PDZD8: variants seen among roughly 807,000 people sequenced by gnomAD.
PDZD8 encodes PDZ domain-containing protein 8.
Under a neutral mutation model 85.8 loss-of-function variants are expected in PDZD8, and 14 were observed. That is an observed-to-expected ratio of 0.16 (90% CI 0.11 to 0.26). The LOEUF (loss-of-function observed/expected upper bound fraction) is 0.26, where lower values mean the gene tolerates loss of function less well. PDZD8 is among the 10% of genes least tolerant of loss of function. The pLI, the probability that PDZD8 is intolerant of heterozygous loss-of-function variation, is 1.00. For missense variants in PDZD8, 1,197 were observed against 1,424.3 expected, an observed-to-expected ratio of 0.84 and a Z score of 2.57; for synonymous variants, 592 against 568.6, an observed-to-expected ratio of 1.04 and a Z score of -0.59.
At chr10:117,366,334 TGTTTTCTGCAGAA>T (rs1845089234) in intron 1 of PDZD8, among the ~76,000 whole-genome samples, 1 of 152,170 alleles carries the variant, frequency 6.6e-6, no homozygotes, top group Admixed American at 6.5e-5. Context: ...GCAGAAAATT[TGTTTTCTGCAGAA>T]ATTTTCTGCA....
intron 2 of PDZD8, among the ~76,000 whole-genome samples, chr10:117,332,289 G>GA (rs1487342814): frequency 2.6e-5 from 4 of 151,038 alleles, no homozygotes; most frequent in African/African-American, 4.9e-5. Context: ...TTCCCTCCAA[G>GA]AAAAAAACAA....
chr10:117,341,581 T>C (rs1187841765), intron 1 of PDZD8, among the ~76,000 whole-genome samples: 2 of 152,234 alleles, frequency 1.3e-5, no homozygotes, highest in Non-Finnish European at 1.5e-5. Flanking sequence ...ATCTGCATTA[T>C]ACACATTCTC....
At chr10:117,335,947 C>A (rs1464631458) in intron 2 of PDZD8, among the ~76,000 whole-genome samples, 1 of 152,112 alleles carries the variant, frequency 6.6e-6, no homozygotes, top group Non-Finnish European at 1.5e-5. Context: ...GGAACAATTC[C>A]ATAAGGATGA....
At chr10:117,324,460 T>G (rs945047214) in intron 2 of PDZD8, among the ~76,000 whole-genome samples, 2 of 152,174 alleles carry the variant, frequency 1.3e-5, no homozygotes, top group African/African-American at 4.8e-5. Context: ...TAATGAACTC[T>G]CATCAGATTT....
At chr10:117,295,471 T>G (rs1489120704) in intron 3 of PDZD8, among the ~76,000 whole-genome samples, 6 of 148,190 alleles carry the variant, frequency 4.0e-5, no homozygotes, top group African/African-American at 1.2e-4. Flanking sequence ...TTATATACAT[T>G]AAATTCATAA....
chr10:117,373,539 C>T (rs1360916618), intron 1 of PDZD8, among the ~76,000 whole-genome samples: 1 of 141,182 alleles, frequency 7.1e-6, no homozygotes, highest in Non-Finnish European at 1.5e-5. Context: ...AGGCGGATTA[C>T]TTGAGGTCAG....
At chr10:117,315,966 C>T (rs563881005) in intron 3 of PDZD8, among the ~76,000 whole-genome samples, 2 of 152,100 alleles carry the variant, frequency 1.3e-5, no homozygotes, top group Non-Finnish European at 2.9e-5. Flanking sequence ...GATCACCAAA[C>T]CGGAATACTG....
In PDZD8 at chr10:117,375,042, G is replaced by T; in HGVS notation, c.186C>A (p.Gly62=). Residue 62 remains glycine, a synonymous_variant, in exon 1 of 5, where the codon GGC becomes GGA. Coordinates refer to ENST00000334464, the MANE Select transcript of PDZD8 (RefSeq NM_173791.5). ...PGLLLREYLY[G]GGRDEEPSGA... Reference sequence around the variant, plus strand: ...CGGAGGGCTCCTCATCCCGGCCGCCGCCATAAAGGTACTCCCTTAGGAGCA... The same window carrying T: ...CGGAGGGCTCCTCATCCCGGCCGCCTCCATAAAGGTACTCCCTTAGGAGCA... 1 of 1,595,330 alleles carries T rather than the reference G, an allele frequency of 6.3e-7. No individual in the cohort carries two copies.
intron 3 of PDZD8, among the ~76,000 whole-genome samples, chr10:117,292,131 GAAGTTGCTCTTT>G (rs1411699707): frequency 2.0e-5 from 3 of 152,108 alleles, no homozygotes; most frequent in African/African-American, 7.2e-5. Flanking sequence ...ACCCTCACTG[GAAGTTGCTCTTT>G]AATTTGGGTG....
In PDZD8 at chr10:117,284,928, G is replaced by A. The variant is rs1844634102; in HGVS notation, c.1805C>T (p.Pro602Leu). 2 of 1,614,062 alleles carry A rather than the reference G, an allele frequency of 1.2e-6. No homozygotes were observed. The highest frequency in any genetic ancestry group is 1.1e-5 in the South Asian group (1 of 91,088). Residue 602 changes from proline to leucine, a missense_variant, in exon 5 of 5, where the codon CCT becomes CTT. Physicochemically the swap from Pro to Leu is moderately conservative, Grantham distance 98. Transcript: ENST00000334464. ...PPRPQAKVPLPSADAPNQAEP... is the reference protein window; with the variant it reads ...PPRPQAKVPLLSADAPNQAEP... ...TGCCTGATTTGGAGCATCGGCGGAA[G>A]GCAAAGGAACTTTCGCTTGTGGTCG...
At position 117,278,234 on chromosome 10, in the gene PDZD8, ATATT is replaced by A. The variant is rs1405215135; in HGVS notation, c.*5030_*5033del. 6.6e-6 allele frequency: 1 copy of A among 152,236 alleles called. No homozygotes were observed. The highest frequency in any genetic ancestry group is 1.5e-5 in the Non-Finnish European group (1 of 68,040). 9.4% of individuals were successfully genotyped at this position (152,236 alleles called of 1,614,324 possible). On this transcript the variant is annotated 3_prime_UTR_variant, in exon 5 of 5. Transcript: ENST00000334464. ...GGTCATCCAAGTGTTTTCTAGGAATATATTTATTTTAGGTTGTCTGAAACTACTA... is the reference window on the plus strand; with the variant it reads ...GGTCATCCAAGTGTTTTCTAGGAATATATTTTAGGTTGTCTGAAACTACTA...
At chr10:117,341,458 T>C (rs1190386828) in intron 1 of PDZD8, among the ~76,000 whole-genome samples, 2 of 152,142 alleles carry the variant, frequency 1.3e-5, no homozygotes, top group African/African-American at 2.4e-5. Flanking sequence ...AGAATGCATG[T>C]TCCATGGAAA....
chr10:117,344,146 C>T (rs752089933), intron 1 of PDZD8, among the ~76,000 whole-genome samples: 3 of 152,158 alleles, frequency 2.0e-5, no homozygotes, highest in African/African-American at 7.2e-5. Context: ...CTAGGAAGAT[C>T]GACTTTAAGG....
At chr10:117,357,005 A>C (rs1458407845) in intron 1 of PDZD8, among the ~76,000 whole-genome samples, 1 of 152,250 alleles carries the variant, frequency 6.6e-6, no homozygotes, top group Non-Finnish European at 1.5e-5. Context: ...TAAAGCAGTA[A>C]AATGTTTAAA....
chr10:117,292,544 A>G (rs990723579), intron 3 of PDZD8, among the ~76,000 whole-genome samples: 17 of 150,772 alleles, frequency 1.1e-4, no homozygotes, highest in Non-Finnish European at 2.2e-4. Context: ...TGAGTACTGT[A>G]AAGTTTAAAA....
intron 1 of PDZD8, among the ~76,000 whole-genome samples, chr10:117,356,086 A>G (rs1366025955): frequency 6.6e-6 from 1 of 152,108 alleles, no homozygotes; most frequent in Admixed American, 6.5e-5. Context: ...TCTTTAAGTC[A>G]TTATAATGAA....
intron 1 of PDZD8, among the ~76,000 whole-genome samples, chr10:117,373,126 T>C (rs1266790734): frequency 6.6e-6 from 1 of 152,102 alleles, no homozygotes; most frequent in Non-Finnish European, 1.5e-5. Context: ...AAAAGCACCT[T>C]CCACTCCACC....
rs762960581 is a variant in PDZD8, at chr10:117,284,721, T to C, written c.2012A>G (p.Asp671Gly). Residue 671 changes from aspartate (D) to glycine (G), a missense_variant, in exon 5 of 5, where the codon GAC becomes GGC. Asp to Gly is a moderately conservative substitution (Grantham distance 94, BLOSUM62 -1). Coordinates refer to ENST00000334464, the MANE Select transcript of PDZD8 (RefSeq NM_173791.5). Reference sequence around the variant, plus strand: ...CCATGTTTGACGGTCGTCCGAACTGTCCTTAGTAGGGCAGGAAGTTTCTGA... The same window carrying C: ...CCATGTTTGACGGTCGTCCGAACTGCCCTTAGTAGGGCAGGAAGTTTCTGA... Reference protein sequence around the residue: ...VTSETSCPTKDSSDDRQTWES... With the variant: ...VTSETSCPTKGSSDDRQTWES... 4 of 1,614,248 alleles carry C rather than the reference T, an allele frequency of 2.5e-6. No individual in the cohort carries two copies. The highest frequency in any genetic ancestry group is 1.1e-5 in the South Asian group (1 of 91,090).
chr10:117,318,165 T>C lies in PDZD8; in HGVS notation c.1098+707A>G, dbSNP rs957319049. 2.6e-5 allele frequency among the ~76,000 whole-genome samples: 4 copies of C among 152,204 alleles called. No homozygotes were observed. The East Asian group carries it at 7.7e-4, about 29-fold the overall frequency. Reference sequence around the variant, plus strand: ...CTTCTACTAAAATAATTATTCACTATCTGAAATTCAGATTTAACTGGGTGT... The same window carrying C: ...CTTCTACTAAAATAATTATTCACTACCTGAAATTCAGATTTAACTGGGTGT... On this transcript the variant is annotated intron_variant, in intron 3 of 4. Coordinates refer to ENST00000334464, the MANE Select transcript of PDZD8 (RefSeq NM_173791.5).
Sources: gnomAD v4.1 joint callset for allele counts (sites outside exome capture counted in the v4.1 genomes callset) on GRCh38, gnomAD v4.1.1 for gene constraint, MANE v1.5 for transcripts, NCBI Gene and HGNC (gene_info 2026-07-23, HGNC 2026-07-21) for gene names.